Variants in OSBP2 observed in about 807,000 individuals in gnomAD.
OSBP2 encodes the protein oxysterol-binding protein 2.
A neutral mutation model predicts 96.0 loss-of-function variants in OSBP2; 66 were observed. That is an observed-to-expected ratio of 0.69 (90% confidence interval 0.56 to 0.84). The LOEUF is 0.84. Ranked by LOEUF, OSBP2 falls within the 40% of genes least tolerant of loss-of-function variation. The probability of loss-of-function intolerance (pLI) is 0.00; values close to 1 mark genes in which losing one functional copy is unlikely to be tolerated. For synonymous variants in OSBP2, 525 were observed against 520.9 expected, an observed-to-expected ratio of 1.01 and a Z score of -0.11; for missense variants, 1,038 against 1,222.7, an observed-to-expected ratio of 0.85 and a Z score of 2.25.
At chr22:30,742,502 C>T (rs1277284446) in intron 2 of OSBP2, among the ~76,000 whole-genome samples, 1 of 152,140 alleles carries the variant, frequency 6.6e-6, no homozygotes, top group Non-Finnish European at 1.5e-5. Flanking sequence ...TCCTGGTTCC[C>T]AGTCACTCAC....
intron 12 of OSBP2, among the ~76,000 whole-genome samples, chr22:30,903,690 G>T (rs1569177027): frequency 6.6e-6 from 1 of 152,242 alleles, no homozygotes; most frequent in Non-Finnish European, 1.5e-5. Context: ...GCACTTTGAG[G>T]GTTGGGGGAT....
chr22:30,890,814 C>T lies in OSBP2; in HGVS notation c.1710C>T (p.Cys570=). ...YHHLLDKAVH[C]TSSVEQMCLV... is the part of the protein sequence containing the mutation. ...ACCTGCTGGACAAGGCAGTGCACTG[C>T]ACCAGCTCAGTGGAGCAGATGTGCC... The change falls in exon 8 of 14, where the codon TGC becomes TGT. Residue 570 remains cysteine (C), a synonymous_variant. Coordinates refer to ENST00000332585, the MANE Select transcript of OSBP2 (RefSeq NM_030758.4). This position sits in a 1 kb window ranked among gnomAD's most constrained non-coding sequence, Gnocchi z 4.4. The T allele has an allele frequency of 6.2e-7, 1 of 1,613,716 alleles. No homozygotes were observed. Among genetic ancestry groups the T allele is most frequent in the Non-Finnish European group, 8.5e-7 (1 of 1,179,982 alleles).
chr22:30,879,201 C>T (rs1352808245), intron 3 of OSBP2, among the ~76,000 whole-genome samples: 2 of 152,212 alleles, frequency 1.3e-5, no homozygotes, highest in South Asian at 4.1e-4. Flanking sequence ...CCTCCCTTGT[C>T]CCTCCGGGGC....
Position 30,695,571 on chromosome 22 carries a change from T to TG in OSBP2, c.644+21dup. The stretch of plus-strand genomic sequence containing the variant: ...TACTACAGGTATGGAAGCGCCAGGG[T>TG]GGGACATGGGGGTTGGAGGGTGGTG... On this transcript the variant is annotated intron_variant, in intron 1 of 13. Transcript: ENST00000332585. The TG allele has an allele frequency of 6.3e-7, 1 of 1,591,978 alleles. No homozygotes were observed.
chr22:30,709,706 A>AAT (rs1329851868), intron 1 of OSBP2, among the ~76,000 whole-genome samples: 64 of 148,994 alleles, frequency 4.3e-4, no homozygotes, highest in African/African-American at 1.4e-3. Context: ...TTTAAAAAAA[A>AAT]TTTTTTTTTT....
intron 12 of OSBP2, among the ~76,000 whole-genome samples, chr22:30,898,697 C>G (rs1287473959): frequency 6.6e-6 from 1 of 151,954 alleles, no homozygotes; most frequent in Non-Finnish European, 1.5e-5. Flanking sequence ...ACCTCCCACC[C>G]GGTCCCTCCC....
chr22:30,824,837 A>G (rs576946088), intron 2 of OSBP2, among the ~76,000 whole-genome samples: 31 of 152,172 alleles, frequency 2.0e-4, no homozygotes, highest in Non-Finnish European at 4.0e-4. Flanking sequence ...GGCGGTGCCC[A>G]TTTCAGCAGC....
chr22:30,806,967 TTCCAGGCA>T (rs2090937482), intron 2 of OSBP2, among the ~76,000 whole-genome samples: 1 of 152,204 alleles, frequency 6.6e-6, no homozygotes, highest in Non-Finnish European at 1.5e-5. Context: ...ACAGCCTGAG[TTCCAGGCA>T]TTGAAATAAA....
intron 1 of OSBP2, among the ~76,000 whole-genome samples, chr22:30,733,782 G>T (rs189226474): frequency 6.6e-6 from 1 of 152,324 alleles, no homozygotes; most frequent in Non-Finnish European, 1.5e-5. Flanking sequence ...ACAGAGGTGA[G>T]AGTGTGACTG....
chr22:30,812,075 G>C (rs2091015906), intron 2 of OSBP2, among the ~76,000 whole-genome samples: 1 of 150,966 alleles, frequency 6.6e-6, no homozygotes, highest in South Asian at 2.1e-4. Context: ...GGCTGGTCTT[G>C]AACTCCTGCC....
chr22:30,893,585 G>A lies in OSBP2; in HGVS notation c.2094+19G>A, dbSNP rs752467711. On this transcript the variant is annotated intron_variant, in intron 10 of 13. Coordinates refer to ENST00000332585, the MANE Select transcript of OSBP2 (RefSeq NM_030758.4). The stretch of plus-strand genomic sequence containing the variant: ...CGACCAGGTCAGGGGCGCCCTTGGG[G>A]AGGGGGTGCATGGCCCGGGGGCTGG... The A allele has an allele frequency of 2.5e-6, 4 of 1,613,560 alleles. No individual in the cohort carries two copies. Among genetic ancestry groups the A allele is most frequent in the South Asian group, 1.1e-5 (1 of 91,082 alleles).
rs1569100665 is a variant in OSBP2 at position 30,730,802 on chromosome 22, A to ATTT, written c.645-10358_645-10357insTTT. 4.1e-5 allele frequency among the ~76,000 whole-genome samples: 2 copies of ATTT among 49,360 alleles called. 1 individual carries two copies. The highest frequency in any genetic ancestry group is 2.2e-4 in the African/African-American group (2 of 9,196). 32.4% of individuals were successfully genotyped at this position (49,360 alleles called of 152,430 possible). On this transcript the variant is annotated intron_variant, in intron 1 of 13. Coordinates refer to ENST00000332585, the MANE Select transcript of OSBP2 (RefSeq NM_030758.4). ...TATATATATATATATATATATATAT[A>ATTT]TATATAATTTTTTTTTTTTTTCCCA... is the stretch of plus-strand genomic sequence containing the variant.
intron 2 of OSBP2, among the ~76,000 whole-genome samples, chr22:30,770,256 T>C (rs1379197355): frequency 6.6e-6 from 1 of 152,030 alleles, no homozygotes; most frequent in South Asian, 2.1e-4. Context: ...TGTGCCACCA[T>C]GCCTGGCTAA....
chr22:30,882,577 C>A (rs1028256726), intron 3 of OSBP2, among the ~76,000 whole-genome samples: 1 of 151,612 alleles, frequency 6.6e-6, no homozygotes, highest in African/African-American at 2.4e-5. Flanking sequence ...AGTGGGCCCG[C>A]GGTGTGAGGG....
intron 2 of OSBP2, among the ~76,000 whole-genome samples, chr22:30,823,986 T>G (rs1470527521): frequency 6.6e-6 from 1 of 152,216 alleles, no homozygotes; most frequent in Non-Finnish European, 1.5e-5. Flanking sequence ...GAAAAGACAT[T>G]GTTTTTTTTC....
chr22:30,815,742 T>C (rs1431481392), intron 2 of OSBP2, among the ~76,000 whole-genome samples: 1 of 152,230 alleles, frequency 6.6e-6, no homozygotes, highest in African/African-American at 2.4e-5. Flanking sequence ...TTTTCTTTTT[T>C]TTAAAAATTT....
intron 2 of OSBP2, among the ~76,000 whole-genome samples, chr22:30,832,692 C>G (rs2038551325): frequency 6.6e-6 from 1 of 152,198 alleles, no homozygotes; most frequent in South Asian, 2.1e-4. Context: ...CGGTCACGAT[C>G]TCCTTGAAGA....
At chr22:30,705,757 T>C (rs1345273351) in intron 1 of OSBP2, among the ~76,000 whole-genome samples, 3 of 152,312 alleles carry the variant, frequency 2.0e-5, no homozygotes, top group African/African-American at 7.2e-5. Flanking sequence ...TTTGGTCATA[T>C]TGTTTATTGA....
At chr22:30,905,134 C>CTTTTTT (rs566334052) in intron 12 of OSBP2, among the ~76,000 whole-genome samples, 15 of 68,702 alleles carry the variant, frequency 2.2e-4, no homozygotes, top group Non-Finnish European at 2.9e-4. Context: ...CGAGACCCGT[C>CTTTTTT]TTTTTTTTTT....
Sources: gnomAD v4.1 joint callset for allele counts (sites outside exome capture counted in the v4.1 genomes callset) on GRCh38, gnomAD v4.1.1 for gene constraint, Gnocchi (gnomAD v3.1) non-coding constraint, MANE v1.5 for transcripts, NCBI Gene and HGNC (gene_info 2026-07-23, HGNC 2026-07-21) for gene names.